KHDRBS2: variants seen among roughly 807,000 people sequenced by gnomAD.
KHDRBS2 encodes KH domain-containing, RNA-binding, signal transduction-associated protein 2.
KHDRBS2 carries 26 observed loss-of-function variants against 44.3 expected under a neutral mutation model. The observed-to-expected ratio is 0.59, with a 90% CI of 0.43 to 0.81. The LOEUF is 0.81. Among genes scored for constraint, KHDRBS2 ranks in the 40% least tolerant of loss-of-function variants. KHDRBS2 has a pLI of 0.00. For missense variants in KHDRBS2, 476 were observed against 433.1 expected, an observed-to-expected ratio of 1.10 and a Z score of -0.88; for synonymous variants, 194 against 151.1, an observed-to-expected ratio of 1.28 and a Z score of -2.08.
chr6:62,189,055 C>T lies in KHDRBS2; in HGVS notation c.92-11743G>A, dbSNP rs1436959893. Among the ~76,000 whole-genome samples the T allele has an allele frequency of 7.2e-5, 11 of 152,092 alleles. No individual in the cohort carries two copies. The East Asian group carries it at 1.9e-3, about 27-fold the overall frequency. On this transcript the variant is annotated intron_variant, in intron 1 of 8. Coordinates refer to ENST00000281156, the MANE Select transcript of KHDRBS2 (RefSeq NM_152688.4). ...GCTTGAACACGGGAGGTGGAGGTTG[C>T]CGTGAGCCAAGATTGTGCCACTGAC... is the stretch of plus-strand genomic sequence containing the variant.
intron 7 of KHDRBS2, among the ~76,000 whole-genome samples, chr6:61,698,336 A>G (rs900807506): frequency 2.6e-5 from 4 of 151,984 alleles, no homozygotes; most frequent in African/African-American, 9.7e-5. Flanking sequence ...TCTCTTTTCT[A>G]TTCATACTTA....
chr6:61,593,620 A>G, the KHDRBS2 span, among the ~76,000 whole-genome samples: 3 of 152,106 alleles, frequency 2.0e-5, no homozygotes, highest in Admixed American at 6.5e-5. Context: ...TATAAAGTGC[A>G]GCAAGAATAG....
chr6:61,566,330 A>G, the KHDRBS2 span, among the ~76,000 whole-genome samples: 2 of 152,154 alleles, frequency 1.3e-5, no homozygotes, highest in Non-Finnish European at 2.9e-5. Context: ...CTGTAGCACA[A>G]TAGGAATGAT....
intron 6 of KHDRBS2, among the ~76,000 whole-genome samples, chr6:61,836,837 G>T (rs1792768270): frequency 6.6e-6 from 1 of 152,018 alleles, no homozygotes; most frequent in Non-Finnish European, 1.5e-5. Flanking sequence ...TACTTTTGGA[G>T]GCCAAAGTAT....
rs1201813538 is a variant in KHDRBS2, at chr6:62,060,969, T to C, written c.220-12975A>G. Among the ~76,000 whole-genome samples the C allele has an allele frequency of 2.0e-5, 3 of 152,068 alleles. No individual in the cohort carries two copies. In the East Asian group the frequency reaches 5.9e-4, roughly 30 times the overall value. ...TTTTGATCTTTGTTGGTTTAAAGTC[T>C]GTTTTATCAGAGACTAGGATTGCAA... On this transcript the variant is annotated intron_variant, in intron 2 of 8. Transcript: ENST00000281156.
intron 2 of KHDRBS2, among the ~76,000 whole-genome samples, chr6:62,061,524 G>C (rs374170936): frequency 2.0e-5 from 3 of 147,942 alleles, no homozygotes; most frequent in Non-Finnish European, 4.5e-5. Context: ...TGGCTTGTAG[G>C]GTTTCTGCCA....
At chr6:62,058,210 T>C (rs1481261161) in intron 2 of KHDRBS2, among the ~76,000 whole-genome samples, 1 of 151,878 alleles carries the variant, frequency 6.6e-6, no homozygotes, top group Non-Finnish European at 1.5e-5. Flanking sequence ...TGCTATGTGA[T>C]GCAAGGCCAG....
At chr6:62,158,235 T>G (rs1816877194) in intron 2 of KHDRBS2, among the ~76,000 whole-genome samples, 2 of 152,156 alleles carry the variant, frequency 1.3e-5, no homozygotes, top group Admixed American at 1.3e-4. Context: ...AGGTGATCCC[T>G]CCAAAAAGAC....
intron 1 of KHDRBS2, among the ~76,000 whole-genome samples, chr6:62,207,759 C>T (rs1220423669): frequency 5.3e-5 from 8 of 152,064 alleles, no homozygotes; most frequent in Admixed American, 6.6e-5. Context: ...AAGATTAAAA[C>T]GATACTGGAT....
chr6:62,001,222 G>A (rs1378941338), intron 3 of KHDRBS2, among the ~76,000 whole-genome samples: 1 of 152,146 alleles, frequency 6.6e-6, no homozygotes, highest in Non-Finnish European at 1.5e-5. Flanking sequence ...CTAATTAGTG[G>A]AGTTAATGGG....
chr6:61,954,668 A>G (rs1178646317), intron 4 of KHDRBS2, among the ~76,000 whole-genome samples: 6 of 134,172 alleles, frequency 4.5e-5, no homozygotes, highest in African/African-American at 1.3e-4. Flanking sequence ...ACATATGTGT[A>G]TATACACATA....
chr6:62,031,235 G>A (rs1261220412), intron 3 of KHDRBS2, among the ~76,000 whole-genome samples: 4 of 151,930 alleles, frequency 2.6e-5, no homozygotes, highest in Non-Finnish European at 4.4e-5. Context: ...CCTTGAGCCC[G>A]GAATAACCAG....
chr6:61,607,714 G>A, the KHDRBS2 span, among the ~76,000 whole-genome samples: 1 of 152,014 alleles, frequency 6.6e-6, no homozygotes, highest in African/African-American at 2.4e-5. Flanking sequence ...TTGAGGCAGA[G>A]TCTTGCTCTG....
chr6:62,101,665 A>G (rs551623376), intron 2 of KHDRBS2, among the ~76,000 whole-genome samples: 1 of 152,348 alleles, frequency 6.6e-6, no homozygotes, highest in East Asian at 1.9e-4. Context: ...ACAGGTATCA[A>G]AGATGTTTTG....
At chr6:61,948,472 T>C (rs1764049566) in intron 4 of KHDRBS2, among the ~76,000 whole-genome samples, 1 of 151,994 alleles carries the variant, frequency 6.6e-6, no homozygotes, top group Non-Finnish European at 1.5e-5. Flanking sequence ...GATACCCTGA[T>C]AATTTAAGAA....
chr6:61,643,915 A>AAACTACCAAT, the KHDRBS2 span, among the ~76,000 whole-genome samples: 1 of 152,216 alleles, frequency 6.6e-6, no homozygotes, highest in Admixed American at 6.5e-5. Flanking sequence ...TATTCCTATC[A>AAACTACCAAT]AACTACCAAT....
intron 2 of KHDRBS2, among the ~76,000 whole-genome samples, chr6:62,116,520 A>G (rs1684973249): frequency 6.6e-6 from 1 of 152,136 alleles, no homozygotes; most frequent in African/African-American, 2.4e-5. Flanking sequence ...GGTACATGTG[A>G]TATTTTGATA....
chr6:61,972,829 T>C (rs1196549306), intron 4 of KHDRBS2, among the ~76,000 whole-genome samples: 1 of 152,192 alleles, frequency 6.6e-6, no homozygotes, highest in African/African-American at 2.4e-5. Flanking sequence ...AATACATTGT[T>C]TTCCCTATAT....
chr6:62,274,076 C>A (rs1840523142), intron 1 of KHDRBS2, among the ~76,000 whole-genome samples: 1 of 152,146 alleles, frequency 6.6e-6, no homozygotes, highest in African/African-American at 2.4e-5. Context: ...GCAGGGACTA[C>A]AGGTGTGCGC....
Sources: allele counts gnomAD v4.1 joint callset (sites outside exome capture counted in the v4.1 genomes callset), GRCh38; gene constraint gnomAD v4.1.1; transcripts MANE v1.5; gene names NCBI Gene and HGNC (gene_info 2026-07-23, HGNC 2026-07-21).